The following CDH2 variants were observed in gnomAD, a reference collection of about 807,000 sequenced individuals.
CDH2 encodes the protein cadherin-2.
In CDH2, 17 loss-of-function variants were observed where a neutral mutation model predicts 92.0. The ratio of observed to expected loss-of-function variants is 0.18; its 90% CI spans 0.13 to 0.28. CDH2 has a LOEUF of 0.28. CDH2 is among the 10% of genes least tolerant of loss of function. CDH2 has a pLI of 1.00. For synonymous variants in CDH2, 419 were observed against 415.9 expected (o/e 1.01, Z -0.09); for missense variants, 862 against 1,133.1 (o/e 0.76, Z 3.44).
chr18:28,123,266 A>G (rs1055326182), intron 2 of CDH2, among the ~76,000 whole-genome samples: 2 of 152,188 alleles, frequency 1.3e-5, no homozygotes, highest in African/African-American at 2.4e-5. Flanking sequence ...CTGCATACAA[A>G]TGTATCTGTA....
At chr18:28,039,422 C>T (rs899871131) in intron 2 of CDH2, among the ~76,000 whole-genome samples, 41 of 152,090 alleles carry the variant, frequency 2.7e-4, no homozygotes, top group African/African-American at 8.7e-4. Flanking sequence ...ATTTCGCATA[C>T]AGGATCATAT....
intron 11 of CDH2, among the ~76,000 whole-genome samples, chr18:27,986,175 C>T (rs17522285): frequency 0.023 from 3,462 of 152,224 alleles, 53 homozygotes; most frequent in African/African-American, 0.032. Flanking sequence ...CATGAAAGAA[C>T]ATAAGAATGC....
intron 2 of CDH2, among the ~76,000 whole-genome samples, chr18:28,139,768 T>G (rs192577063): frequency 2.4e-4 from 37 of 152,128 alleles, no homozygotes; most frequent in African/African-American, 8.4e-4. Flanking sequence ...AGGCTTGATA[T>G]TTAAACTGTT....
At chr18:27,995,022 T>C (rs964760521) in intron 7 of CDH2, among the ~76,000 whole-genome samples, 6 of 152,062 alleles carry the variant, frequency 3.9e-5, no homozygotes, top group African/African-American at 7.2e-5. Context: ...AATGTTAACA[T>C]AGGCTAAGGG....
chr18:28,176,605 GA>G (rs746572956), intron 1 of CDH2, among the ~76,000 whole-genome samples: 7 of 152,126 alleles, frequency 4.6e-5, no homozygotes, highest in Non-Finnish European at 7.4e-5. Context: ...TGCGAGGGGC[GA>G]AAGGCACAGA....
rs535051287 is a variant in CDH2 at position 28,056,879 on chromosome 18, G to T, written c.173-42970C>A. On this transcript the variant is annotated intron_variant, in intron 2 of 15. Transcript: ENST00000269141. The stretch of plus-strand genomic sequence containing the variant: ...TCAAATAAAAGTGATTCTAAACCTT[G>T]AATTATATTTGCATGGATATGTTAT... Among the ~76,000 whole-genome samples, 2 of 152,254 alleles carry T rather than the reference G, an allele frequency of 1.3e-5. 1 individual carries two copies. The highest frequency in any genetic ancestry group is 4.8e-5 in the African/African-American group (2 of 41,548).
chr18:28,006,241 C>T (rs933546379), intron 5 of CDH2, among the ~76,000 whole-genome samples: 9 of 152,060 alleles, frequency 5.9e-5, no homozygotes, highest in Non-Finnish European at 8.8e-5. Flanking sequence ...CTTTAATTCA[C>T]GTACAAAAGA....
intron 2 of CDH2, among the ~76,000 whole-genome samples, chr18:28,100,930 C>T (rs2015216276): frequency 6.6e-6 from 1 of 152,088 alleles, no homozygotes; most frequent in Admixed American, 6.6e-5. Flanking sequence ...TAGCTAATAC[C>T]ATAAAAAAGA....
chr18:27,948,567 GA>G (rs1193744567), downstream of CDH2, among the ~76,000 whole-genome samples: 9 of 151,710 alleles, frequency 5.9e-5, no homozygotes, highest in African/African-American at 1.9e-4. Context: ...AAAAGATCAT[GA>G]AAAAATGCAT....
chr18:28,004,105 G>A (rs1026964409), intron 6 of CDH2, among the ~76,000 whole-genome samples: 1 of 151,982 alleles, frequency 6.6e-6, no homozygotes, highest in Non-Finnish European at 1.5e-5. Context: ...CCCTTTAAAC[G>A]ATTTACCTAT....
At chr18:28,065,488 T>C (rs1168302783) in intron 2 of CDH2, among the ~76,000 whole-genome samples, 1 of 152,216 alleles carries the variant, frequency 6.6e-6, no homozygotes, top group African/African-American at 2.4e-5. Flanking sequence ...AGGACTGCTT[T>C]TTCAACAATA....
chr18:28,159,666 T>C (rs1034627456), intron 1 of CDH2, among the ~76,000 whole-genome samples: 1 of 151,632 alleles, frequency 6.6e-6, no homozygotes, highest in South Asian at 2.1e-4. Flanking sequence ...TTGTTTTTTT[T>C]TTTTTTTTGA....
intron 2 of CDH2, among the ~76,000 whole-genome samples, chr18:28,024,272 T>G (rs915399047): frequency 6.6e-6 from 1 of 151,992 alleles, no homozygotes; most frequent in Non-Finnish European, 1.5e-5. Context: ...CCAATTATCT[T>G]AATAATTTGA....
chr18:27,979,244 A>C (rs2011957789), intron 14 of CDH2, among the ~76,000 whole-genome samples: 2 of 152,190 alleles, frequency 1.3e-5, no homozygotes, highest in African/African-American at 2.4e-5. Flanking sequence ...AAAAGGGTAA[A>C]ACCGTAGGCA....
At chr18:28,155,915 G>A (rs778682826) in intron 1 of CDH2, among the ~76,000 whole-genome samples, 1 of 152,110 alleles carries the variant, frequency 6.6e-6, no homozygotes, top group Non-Finnish European at 1.5e-5. Flanking sequence ...TGCCACTGAT[G>A]GCACTTTTGA....
At chr18:27,944,375 A>G (rs1567930019) in intron 6 of CDH2, among the ~76,000 whole-genome samples, 1 of 152,200 alleles carries the variant, frequency 6.6e-6, no homozygotes, top group African/African-American at 2.4e-5. Context: ...CATCCATTTC[A>G]TAATTAAGTT....
intron 2 of CDH2, among the ~76,000 whole-genome samples, chr18:28,045,122 G>A (rs941109344): frequency 3.3e-5 from 5 of 152,102 alleles, no homozygotes; most frequent in Admixed American, 2.0e-4. Context: ...TACCTCAGCC[G>A]TTAAGTATGA....
intron 2 of CDH2, among the ~76,000 whole-genome samples, chr18:28,113,057 C>T (rs1055225180): frequency 6.6e-6 from 1 of 152,114 alleles, no homozygotes. Flanking sequence ...CCTTTCAATA[C>T]AACTGATATT....
intron 2 of CDH2, among the ~76,000 whole-genome samples, chr18:28,123,628 T>A (rs1329838492): frequency 6.6e-6 from 1 of 152,124 alleles, no homozygotes; most frequent in Non-Finnish European, 1.5e-5. Flanking sequence ...CAAACATAAT[T>A]TTGATCGTGC....
Sources: gnomAD v4.1 joint callset for allele counts (sites outside exome capture counted in the v4.1 genomes callset) on GRCh38, gnomAD v4.1.1 for gene constraint, MANE v1.5 for transcripts, NCBI Gene and HGNC (gene_info 2026-07-23, HGNC 2026-07-21) for gene names.